The following ESYT2 variants were observed in gnomAD, a reference collection of about 807,000 sequenced individuals.
ESYT2 encodes the protein extended synaptotagmin 2, also known as extended synaptotagmin-2.
Under a neutral mutation model 107.2 loss-of-function variants are expected in ESYT2, and 54 were observed. The ratio of observed to expected loss-of-function variants is 0.50; its 90% CI spans 0.40 to 0.63. The LOEUF is 0.63. Among genes scored for constraint, ESYT2 ranks in the 30% least tolerant of loss-of-function variants. The probability of loss-of-function intolerance (pLI) is 0.00; values close to 1 mark genes in which losing one functional copy is unlikely to be tolerated. For synonymous variants in ESYT2, 491 were observed against 434.1 expected, an observed-to-expected ratio of 1.13 and a Z score of -1.63; for missense variants, 1,020 against 1,094.5, an observed-to-expected ratio of 0.93 and a Z score of 0.96.
intron 1 of ESYT2, among the ~76,000 whole-genome samples, chr7:158,828,415 G>A (rs10254207): frequency 0.015 from 2,303 of 152,370 alleles, 59 homozygotes; most frequent in African/African-American, 0.052. Flanking sequence ...AGGAGACCCC[G>A]CGGGCGGCAC....
chr7:158,807,758 C>T (rs540155034), intron 1 of ESYT2, among the ~76,000 whole-genome samples: 11 of 152,270 alleles, frequency 7.2e-5, no homozygotes, highest in East Asian at 1.9e-4. Flanking sequence ...CTAATGAGCA[C>T]GGCTGTGTTC....
intron 13 of ESYT2, among the ~76,000 whole-genome samples, chr7:158,754,103 G>A (rs187987600): frequency 1.2e-3 from 176 of 152,298 alleles, no homozygotes; most frequent in Middle Eastern, 0.01. Flanking sequence ...CTTCAGGCAG[G>A]TGCCCCGTCG....
chr7:158,798,791 T>C (rs185999873), intron 2 of ESYT2, among the ~76,000 whole-genome samples: 12 of 152,056 alleles, frequency 7.9e-5, no homozygotes, highest in Non-Finnish European at 1.5e-4. Flanking sequence ...AGAAGACACA[T>C]GGCCAGAGAC....
At chr7:158,753,161 T>C (rs1057113904) in intron 13 of ESYT2, among the ~76,000 whole-genome samples, 1 of 152,236 alleles carries the variant, frequency 6.6e-6, no homozygotes. Flanking sequence ...GAAAGGGTTC[T>C]ATTTACTATT....
intron 20 of ESYT2, among the ~76,000 whole-genome samples, chr7:158,736,348 G>A (rs1221474172): frequency 1.3e-5 from 2 of 152,212 alleles, no homozygotes; most frequent in African/African-American, 2.4e-5. Context: ...AGCAGATAGC[G>A]ACACCATACA....
chr7:158,793,605 T>G (rs1259004735), intron 4 of ESYT2, 45 bp downstream of exon 4: 1 of 1,397,934 alleles, frequency 7.2e-7, no homozygotes, highest in South Asian at 1.2e-5. Context: ...TAAGTGACAT[T>G]ACACGCCATT....
intron 11 of ESYT2, 140 bp downstream of exon 11, chr7:158,761,356 G>A (rs1251472879): frequency 1.4e-6 from 1 of 692,044 alleles, no homozygotes; most frequent in African/African-American, 1.8e-5. Flanking sequence ...CTTAGTATAT[G>A]TTAAGTAAAT....
At chr7:158,738,979 C>T (rs1351953803) in intron 19 of ESYT2, 44 bp downstream of exon 19, 3 of 1,573,118 alleles carry the variant, frequency 1.9e-6, no homozygotes, top group Non-Finnish European at 2.6e-6. Context: ...CCAGCATCCA[C>T]ACTCAGCAGC....
intron 1 of ESYT2, among the ~76,000 whole-genome samples, chr7:158,806,110 G>C (rs1322827448): frequency 6.6e-6 from 1 of 150,812 alleles, no homozygotes; most frequent in Non-Finnish European, 1.5e-5. Flanking sequence ...CGTGGGAGGC[G>C]CCGGGGCACA....
intron 11 of ESYT2, 129 bp from the exon 12 acceptor site, chr7:158,760,276 A>T (rs981288107): frequency 1.3e-6 from 1 of 758,218 alleles, no homozygotes; most frequent in African/African-American, 1.7e-5. Flanking sequence ...AGTAACGCGA[A>T]GGCTGAGCCT....
chr7:158,759,005 C>T (rs1486724993), intron 13 of ESYT2, among the ~76,000 whole-genome samples: 1 of 152,154 alleles, frequency 6.6e-6, no homozygotes, highest in Non-Finnish European at 1.5e-5. Context: ...GAGAAACATC[C>T]CAGGCACCCG....
chr7:158,791,144 TTCTG>T (rs1264073899), intron 4 of ESYT2, among the ~76,000 whole-genome samples: 3 of 152,136 alleles, frequency 2.0e-5, no homozygotes, highest in African/African-American at 4.8e-5. Context: ...ACCATTCCGC[TTCTG>T]TCTATGAGTT....
chr7:158,740,030 G>A (rs963983640), intron 18 of ESYT2, among the ~76,000 whole-genome samples: 2 of 152,236 alleles, frequency 1.3e-5, no homozygotes, highest in African/African-American at 4.8e-5. Flanking sequence ...CTCGAGAGCA[G>A]CAGTGTTAAA....
intron 1 of ESYT2, among the ~76,000 whole-genome samples, chr7:158,817,000 A>G (rs1840164677): frequency 6.6e-6 from 1 of 152,272 alleles, no homozygotes; most frequent in Non-Finnish European, 1.5e-5. Flanking sequence ...TGATCTCAGT[A>G]GGCAATTCAC....
In ESYT2 at chr7:158,743,534, G is replaced by A. The variant is rs1837288194; in HGVS notation, c.1789C>T (p.Leu597=). ...PNSTIKMKIA[L]RVLHLEKRER... The stretch of plus-strand genomic sequence containing the variant: ...ACTGCAGGACGACACGATACCCGCA[G>A]GGCAATCTTCATCTTGATGGTGCTG... The change falls in exon 17 of 23, where the codon CTG becomes TTG. Residue 597 remains leucine (L), a synonymous_variant. Transcript: ENST00000275418. 14 of 1,611,038 alleles carry A rather than the reference G, an allele frequency of 8.7e-6. No individual in the cohort carries two copies. Among genetic ancestry groups the A allele is most frequent in the Non-Finnish European group, 1.2e-5 (14 of 1,179,044 alleles).
chr7:158,758,740 T>C (rs1563631459), intron 13 of ESYT2, among the ~76,000 whole-genome samples: 1 of 152,156 alleles, frequency 6.6e-6, no homozygotes, highest in Non-Finnish European at 1.5e-5. Context: ...CAAGATGACA[T>C]GACTAAGGAC....
chr7:158,734,413 G>A lies in ESYT2; in HGVS notation c.2555+9C>T. 6.2e-7 allele frequency: 1 copy of A among 1,613,856 alleles called. No homozygotes were observed. The highest frequency in any genetic ancestry group is 8.5e-7 in the Non-Finnish European group (1 of 1,179,846). On this transcript the variant is annotated intron_variant, in intron 22 of 22. Coordinates refer to ENST00000275418, the MANE Select transcript of ESYT2 (RefSeq NM_001367773.1). ...ACTGGGGTTCTCTGTCTGCAGCAGG[G>A]ACACTCACCACTGGGTCCAGCCTTT...
chr7:158,752,922 A>G, intron 13 of ESYT2, 79 bp from the exon 14 acceptor site: 1 of 959,576 alleles, frequency 1.0e-6, no homozygotes, highest in Non-Finnish European at 1.4e-6. Flanking sequence ...AAAGACATGA[A>G]AATTTATGGG....
At chr7:158,734,819 A>T (rs1046402002) in intron 21 of ESYT2, among the ~76,000 whole-genome samples, 1 of 152,236 alleles carries the variant, frequency 6.6e-6, no homozygotes, top group Non-Finnish European at 1.5e-5. Context: ...GTAGGCTAAG[A>T]CAATGTCTTT....
Sources: gnomAD v4.1 joint callset for allele counts (sites outside exome capture counted in the v4.1 genomes callset) on GRCh38, gnomAD v4.1.1 for gene constraint, MANE v1.5 for transcripts, NCBI Gene and HGNC (gene_info 2026-07-23, HGNC 2026-07-21) for gene names.